Variants in PELI2 observed in about 807,000 individuals in gnomAD.
The protein encoded by PELI2 is E3 ubiquitin-protein ligase pellino homolog 2.
Under a neutral mutation model 42.3 loss-of-function variants are expected in PELI2, and 23 were observed. The observed-to-expected ratio is 0.54, with a 90% CI of 0.39 to 0.77. The LOEUF is 0.77. Ranked by LOEUF, PELI2 falls within the 30% of genes least tolerant of loss-of-function variation. The pLI is 0.00. For missense variants in PELI2, 463 were observed against 553.2 expected (o/e 0.84, Z 1.64); for synonymous variants, 245 against 212.2 (o/e 1.15, Z -1.34).
At chr14:56,144,989 A>G in intron 1 of PELI2, 1 of 983,316 alleles carries the variant, frequency 1.0e-6, no homozygotes, top group Non-Finnish European at 1.2e-6. Flanking sequence ...GGGGTTAGAA[A>G]AAGACCAAAA....
chr14:56,133,962 GT>G, intron 1 of PELI2, among the ~76,000 whole-genome samples: 1 of 152,222 alleles, frequency 6.6e-6, no homozygotes. Flanking sequence ...CCCTGCTGTA[GT>G]TTTTAAGAAT....
At chr14:56,181,782 T>C (rs1311713999) in intron 2 of PELI2, among the ~76,000 whole-genome samples, 1 of 152,190 alleles carries the variant, frequency 6.6e-6, no homozygotes. Context: ...GTGTAGTGTT[T>C]ATTCATGTAT....
intron 2 of PELI2, among the ~76,000 whole-genome samples, chr14:56,211,581 T>C (rs1042394932): frequency 6.6e-6 from 1 of 152,226 alleles, no homozygotes; most frequent in Non-Finnish European, 1.5e-5. Flanking sequence ...GCTCTAGTCA[T>C]AGTACTTGTC....
chr14:56,293,231 G>A (rs1020277056), intron 5 of PELI2, among the ~76,000 whole-genome samples: 19 of 152,064 alleles, frequency 1.2e-4, no homozygotes, highest in Admixed American at 6.5e-5. Flanking sequence ...TGCTATGTAG[G>A]GGCCATTAGT....
At chr14:56,264,695 A>G (rs1443265603) in intron 2 of PELI2, among the ~76,000 whole-genome samples, 1 of 152,224 alleles carries the variant, frequency 6.6e-6, no homozygotes, top group Non-Finnish European at 1.5e-5. Flanking sequence ...GTGTTTCGTT[A>G]TAAAGATTAT....
intron 2 of PELI2, among the ~76,000 whole-genome samples, chr14:56,268,336 T>C (rs1888977229): frequency 6.6e-6 from 1 of 152,212 alleles, no homozygotes. Context: ...ATGTCAATAC[T>C]TAAATATTTA....
At chr14:56,267,389 TAAAG>T (rs1888945738) in intron 2 of PELI2, among the ~76,000 whole-genome samples, 1 of 152,130 alleles carries the variant, frequency 6.6e-6, no homozygotes, top group Admixed American at 6.6e-5. Flanking sequence ...ACACAGCTAA[TAAAG>T]AGCCTTTTAA....
chr14:56,194,207 C>A (rs144221872), intron 2 of PELI2, among the ~76,000 whole-genome samples: 1 of 152,180 alleles, frequency 6.6e-6, no homozygotes, highest in Non-Finnish European at 1.5e-5. Flanking sequence ...CCCACTCGGG[C>A]AGCAAGTTTC....
chr14:56,224,186 A>T (rs1566647889), intron 2 of PELI2, among the ~76,000 whole-genome samples: 1 of 152,238 alleles, frequency 6.6e-6, no homozygotes. Context: ...TTCAATATTC[A>T]TTTGAATGGG....
At chr14:56,293,545 C>T (rs1241953391) in intron 5 of PELI2, among the ~76,000 whole-genome samples, 2 of 152,136 alleles carry the variant, frequency 1.3e-5, no homozygotes, top group Admixed American at 6.5e-5. Context: ...TGGAACAGTG[C>T]TGGACACAGT....
At chr14:56,280,859 A>G (rs1889460409) in intron 3 of PELI2, among the ~76,000 whole-genome samples, 1 of 152,168 alleles carries the variant, frequency 6.6e-6, no homozygotes, top group African/African-American at 2.4e-5. Context: ...CCTACTGTAC[A>G]GTAATCACTT....
At chr14:56,144,999 A>T (rs1482321496) in intron 1 of PELI2, 1 of 980,744 alleles carries the variant, frequency 1.0e-6, no homozygotes, top group Non-Finnish European at 1.2e-6. Flanking sequence ...AAAGACCAAA[A>T]GGTGGGTGTT....
intron 1 of PELI2, among the ~76,000 whole-genome samples, chr14:56,140,184 T>A (rs551678572): frequency 6.6e-6 from 1 of 152,276 alleles, no homozygotes; most frequent in East Asian, 1.9e-4. Flanking sequence ...GAAAGGTTTA[T>A]AATTTTACAG....
chr14:56,220,516 G>A (rs528885072), intron 2 of PELI2, among the ~76,000 whole-genome samples: 2 of 152,292 alleles, frequency 1.3e-5, no homozygotes, highest in Admixed American at 6.5e-5. Context: ...TTATATAACA[G>A]TTTGTATAAA....
At chr14:56,214,949 A>G (rs1886848326) in intron 2 of PELI2, among the ~76,000 whole-genome samples, 1 of 152,228 alleles carries the variant, frequency 6.6e-6, no homozygotes, top group Non-Finnish European at 1.5e-5. Flanking sequence ...CATAGGCTTC[A>G]TACTCTCCTG....
intron 1 of PELI2, among the ~76,000 whole-genome samples, chr14:56,124,753 G>A (rs761028205): frequency 2.6e-5 from 4 of 152,180 alleles, no homozygotes; most frequent in Non-Finnish European, 5.9e-5. Flanking sequence ...GATGAGATGG[G>A]GATGACCACG....
chr14:56,203,109 G>T (rs539007320), intron 2 of PELI2, among the ~76,000 whole-genome samples: 55 of 152,270 alleles, frequency 3.6e-4, no homozygotes, highest in Non-Finnish European at 6.6e-4. Context: ...TTGTGATTAT[G>T]TAGAAAATTG....
Position 56,301,294 on chromosome 14 carries a change from A to T in PELI2, c.*4128A>T, listed in dbSNP as rs893344443. ...AATCTTCAAAAACTATTAAATGGAT[A>T]TCAGCCTGTTTGTGAGCCATTGTCT... On this transcript the variant is annotated 3_prime_UTR_variant, in exon 6 of 6. Transcript: ENST00000267460. The T allele has an allele frequency of 6.5e-6, 1 of 152,680 alleles. No individual in the cohort carries two copies. Among genetic ancestry groups the T allele is most frequent in the East Asian group, 1.9e-4 (1 of 5,206 alleles). 9.5% of individuals were successfully genotyped at this position (152,680 alleles called of 1,614,324 possible). A position where few individuals can be genotyped will look rare whatever the true frequency, so the allele number is the denominator to read the frequency against.
At position 56,259,569 on chromosome 14, in the gene PELI2, A is replaced by G. The variant is rs567325651; in HGVS notation, c.208-20107A>G. On this transcript the variant is annotated intron_variant, in intron 2 of 5. Coordinates refer to ENST00000267460, the MANE Select transcript of PELI2 (RefSeq NM_021255.3). The stretch of plus-strand genomic sequence containing the variant: ...TATGATCGTCTCCATATGCATGCAC[A>G]GAAAGTACTGGATAAGTTAAACGTT... Among the ~76,000 whole-genome samples, 3 of 152,276 alleles carry G rather than the reference A, an allele frequency of 2.0e-5. No homozygotes were observed. The East Asian group carries it at 5.8e-4, about 29-fold the overall frequency.
Sources: gnomAD v4.1 joint callset for allele counts (sites outside exome capture counted in the v4.1 genomes callset) on GRCh38, gnomAD v4.1.1 for gene constraint, MANE v1.5 for transcripts, NCBI Gene and HGNC (gene_info 2026-07-23, HGNC 2026-07-21) for gene names.